The following CACNA1C variants were observed in gnomAD, a reference collection of about 807,000 sequenced individuals.
The protein encoded by CACNA1C is calcium voltage-gated channel subunit alpha1 C, also known as voltage-dependent L-type calcium channel subunit alpha-1C.
In CACNA1C, 30 loss-of-function variants were observed where a neutral mutation model predicts 229.0. The observed-to-expected ratio is 0.13, with a 90% CI of 0.10 to 0.18. CACNA1C has a LOEUF of 0.18. CACNA1C is among the 10% of genes least tolerant of loss of function. The pLI, the probability that CACNA1C is intolerant of heterozygous loss-of-function variation, is 1.00. For missense variants in CACNA1C, 1,658 were observed against 2,845.0 expected (o/e 0.58, Z 9.49); for synonymous variants, 1,114 against 1,132.5 (o/e 0.98, Z 0.33).
chr12:2,287,489 G>C lies in CACNA1C; in HGVS notation c.478-161487G>C, dbSNP rs1174901709. 6.6e-6 allele frequency among the ~76,000 whole-genome samples: 1 copy of C among 152,226 alleles called. No individual in the cohort carries two copies. The highest frequency in any genetic ancestry group is 2.1e-4 in the South Asian group (1 of 4,832). The stretch of plus-strand genomic sequence containing the variant: ...GGCCCGAAGAGCAGTTTCAGCCTGC[G>C]TGGTCTTGATGTGGTCTTGGCTGAT... On this transcript the variant is annotated intron_variant, in intron 3 of 46. Coordinates refer to ENST00000399655, the MANE Select transcript of CACNA1C (RefSeq NM_000719.7). The surrounding 1 kb of genome is among the most constrained non-coding windows in gnomAD (Gnocchi z 4.6).
chr12:2,608,809 T>G lies in CACNA1C; in HGVS notation c.3558+97T>G, dbSNP rs1174684582. 1.7e-6 allele frequency: 2 copies of G among 1,181,476 alleles called. No homozygotes were observed. The highest frequency in any genetic ancestry group is 2.1e-5 in the Admixed American group (1 of 48,420). 73.2% of individuals were successfully genotyped at this position (1,181,476 alleles called of 1,614,324 possible). A position where few individuals can be genotyped will look rare whatever the true frequency, so the allele number is the denominator to read the frequency against. On this transcript the variant is annotated intron_variant, in intron 27 of 46. Coordinates refer to ENST00000399655, the MANE Select transcript of CACNA1C (RefSeq NM_000719.7). The surrounding 1 kb of genome is among the most constrained non-coding windows in gnomAD (Gnocchi z 4.2). ...GAGGGGCTGCGACAGGGAGAGGCCG[T>G]GCAGATACTGAGATCGTCTCTCTAT... is the stretch of plus-strand genomic sequence containing the variant.
intron 1 of CACNA1C, among the ~76,000 whole-genome samples, chr12:2,012,029 A>G (rs1360710542): frequency 1.3e-5 from 2 of 152,170 alleles, no homozygotes; most frequent in African/African-American, 4.8e-5. Context: ...CTTACAACCT[A>G]CTATGTTACC....
In CACNA1C at chr12:2,689,654, C is replaced by T. The variant is rs957247925; in HGVS notation, c.6117+875C>T. ...TCAGGCTGTGGTGCAGGAGGTGGGG[C>T]GTTAAACCAGGTGGCTTCCAAGGTT... is the stretch of plus-strand genomic sequence containing the variant. On this transcript the variant is annotated intron_variant, in intron 46 of 46. Transcript: ENST00000399655. The surrounding 1 kb of genome is among the most constrained non-coding windows in gnomAD (Gnocchi z 4.2). 2.6e-5 allele frequency among the ~76,000 whole-genome samples: 4 copies of T among 151,906 alleles called. No individual in the cohort carries two copies. The highest frequency in any genetic ancestry group is 2.1e-4 in the South Asian group (1 of 4,806).
Position 2,639,077 on chromosome 12 carries a change from G to T in CACNA1C, c.3912+4697G>T, listed in dbSNP as rs538280665. Among the ~76,000 whole-genome samples, 1 of 152,376 alleles carries T rather than the reference G, an allele frequency of 6.6e-6. No homozygotes were observed. The highest frequency in any genetic ancestry group is 6.5e-5 in the Admixed American group (1 of 15,308). On this transcript the variant is annotated intron_variant, in intron 30 of 46. Coordinates refer to ENST00000399655, the MANE Select transcript of CACNA1C (RefSeq NM_000719.7). The surrounding 1 kb of genome is among the most constrained non-coding windows in gnomAD (Gnocchi z 4.2). The stretch of plus-strand genomic sequence containing the variant: ...GGGAGATGCCGCTGAACAACTGCCA[G>T]GTGTCACAAGAGGACCGTCTTCAGG...
chr12:2,653,748 A>T lies in CACNA1C; in HGVS notation c.4075-87A>T. On this transcript the variant is annotated intron_variant, in intron 32 of 46. Coordinates refer to ENST00000399655, the MANE Select transcript of CACNA1C (RefSeq NM_000719.7). The surrounding 1 kb of genome is among the most constrained non-coding windows in gnomAD (Gnocchi z 4.7). ...AAACCGGGCAATAGCTGATGGCTGC[A>T]GAGACAGGGATGCGGCGCTCCCTGG... 8.9e-7 allele frequency: 1 copy of T among 1,125,618 alleles called. No homozygotes were observed. The highest frequency in any genetic ancestry group is 1.3e-6 in the Non-Finnish European group (1 of 748,586). 69.7% of individuals were successfully genotyped at this position (1,125,618 alleles called of 1,614,324 possible). A position where few individuals can be genotyped will look rare whatever the true frequency, so the allele number is the denominator to read the frequency against.
chr12:2,484,906 TTTC>T (rs2099691874), intron 5 of CACNA1C, among the ~76,000 whole-genome samples: 1 of 87,772 alleles, frequency 1.1e-5, no homozygotes, highest in Non-Finnish European at 2.3e-5. Flanking sequence ...TTTTCTCTTC[TTTC>T]TTTTTTTTTT....
chr12:2,380,583 G>T (rs2098214769), intron 3 of CACNA1C, among the ~76,000 whole-genome samples: 1 of 152,122 alleles, frequency 6.6e-6, no homozygotes, highest in Admixed American at 6.5e-5. Flanking sequence ...TTAATAGGTT[G>T]GTTAGATTCC....
intron 11 of CACNA1C, among the ~76,000 whole-genome samples, chr12:2,564,398 T>C (rs1257966185): frequency 6.6e-6 from 1 of 152,164 alleles, no homozygotes; most frequent in East Asian, 1.9e-4. Flanking sequence ...GAGAGATTCA[T>C]AGAAAGGAGA....
chr12:2,280,967 C>CT (rs969744466), intron 3 of CACNA1C, among the ~76,000 whole-genome samples: 19 of 152,126 alleles, frequency 1.2e-4, no homozygotes, highest in Non-Finnish European at 2.8e-4. Flanking sequence ...AGTATACATC[C>CT]TTTTTTTATT....
At chr12:2,303,540 G>C (rs921981809) in intron 3 of CACNA1C, among the ~76,000 whole-genome samples, 1 of 152,110 alleles carries the variant, frequency 6.6e-6, no homozygotes, top group Non-Finnish European at 1.5e-5. Context: ...TGAGATGGGA[G>C]GATCACTTGA....
intron 9 of CACNA1C, among the ~76,000 whole-genome samples, chr12:2,540,867 GT>G (rs1188639366): frequency 6.6e-6 from 1 of 152,172 alleles, no homozygotes. Flanking sequence ...GCCCAACAGC[GT>G]ATCACAGACC....
chr12:2,385,170 T>C (rs1338758170), intron 3 of CACNA1C, among the ~76,000 whole-genome samples: 1 of 152,158 alleles, frequency 6.6e-6, no homozygotes, highest in Non-Finnish European at 1.5e-5. Flanking sequence ...AGTGAAAACA[T>C]GAGCAAATGC....
In CACNA1C at chr12:1,971,088, G is replaced by GC; in HGVS notation, c.26_27insC (p.Thr10TyrfsTer20). On this transcript the variant is annotated frameshift_variant, in exon 1 of 47. Coordinates refer to the CACNA1C transcript ENST00000682462. LOFTEE classifies it high-confidence loss of function. This position sits in a 1 kb window ranked among gnomAD's most constrained non-coding sequence, Gnocchi z 4.2. Reference sequence around the variant, plus strand: ...ATGCTTCGAGCCTTTGTTCAGCCTGGTACGCCTGCATACCAGCCGCTTCCC... The same window carrying GC: ...ATGCTTCGAGCCTTTGTTCAGCCTGGCTACGCCTGCATACCAGCCGCTTCCC... The GC allele has an allele frequency of 7.8e-7, 1 of 1,289,518 alleles. No individual in the cohort carries two copies. The highest frequency in any genetic ancestry group is 1.0e-6 in the Non-Finnish European group (1 of 988,692). 79.9% of individuals were successfully genotyped at this position (1,289,518 alleles called of 1,614,324 possible).
intron 28 of CACNA1C, among the ~76,000 whole-genome samples, chr12:2,611,550 C>T (rs12320580): frequency 4.0e-5 from 6 of 151,202 alleles, no homozygotes; most frequent in African/African-American, 7.3e-5. Context: ...ATGAGCTGGA[C>T]GCATTCGTTG....
intron 1 of CACNA1C, among the ~76,000 whole-genome samples, chr12:1,979,602 G>A (rs1028756733): frequency 3.3e-5 from 5 of 152,230 alleles, no homozygotes; most frequent in East Asian, 1.9e-4. Context: ...GTGAGCCACC[G>A]TGCCCAGCCC....
At chr12:2,320,523 C>A (rs1020401704) in intron 3 of CACNA1C, among the ~76,000 whole-genome samples, 1 of 152,182 alleles carries the variant, frequency 6.6e-6, no homozygotes, top group African/African-American at 2.4e-5. Flanking sequence ...ACCCTCTGCC[C>A]CCGCTCCTCC....
chr12:2,321,997 C>G (rs145493626), intron 3 of CACNA1C, among the ~76,000 whole-genome samples: 2 of 152,312 alleles, frequency 1.3e-5, no homozygotes, highest in East Asian at 3.9e-4. Context: ...CCTGATCTAT[C>G]AGAACTAGAC....
intron 1 of CACNA1C, among the ~76,000 whole-genome samples, chr12:1,973,802 T>C (rs1168903614): frequency 6.6e-6 from 1 of 152,240 alleles, no homozygotes; most frequent in Non-Finnish European, 1.5e-5. Flanking sequence ...TCTGCTTTGT[T>C]GGCCACTTAA....
At chr12:2,136,169 G>A (rs573617695) in intron 3 of CACNA1C, among the ~76,000 whole-genome samples, 47 of 151,472 alleles carry the variant, frequency 3.1e-4, no homozygotes, top group African/African-American at 1.1e-3. Context: ...TTTGGCTCGC[G>A]CACCCACTGG....
Sources: allele counts gnomAD v4.1 joint callset (sites outside exome capture counted in the v4.1 genomes callset), GRCh38; gene constraint gnomAD v4.1.1; non-coding constraint Gnocchi (gnomAD v3.1); transcripts MANE v1.5; gene names NCBI Gene and HGNC (gene_info 2026-07-23, HGNC 2026-07-21).